Variants in SEMA3A observed in about 807,000 individuals in gnomAD.
The protein encoded by SEMA3A is semaphorin-3A.
In SEMA3A, 29 loss-of-function variants were observed where a neutral mutation model predicts 97.9. The observed-to-expected ratio is 0.30, with a 90% CI of 0.22 to 0.40. SEMA3A has a LOEUF of 0.40. SEMA3A is among the 10% of genes least tolerant of loss of function. SEMA3A has a pLI of 1.00. For missense variants in SEMA3A, 763 were observed against 951.3 expected (o/e 0.80, Z 2.60); for synonymous variants, 321 against 323.7 (o/e 0.99, Z 0.09).
chr7:84,336,594 G>A (rs1158230138), intron 2 of SEMA3A, among the ~76,000 whole-genome samples: 1 of 152,106 alleles, frequency 6.6e-6, no homozygotes, highest in East Asian at 1.9e-4. Flanking sequence ...ACATACAGTA[G>A]GACAGTGTTC....
intron 3 of SEMA3A, among the ~76,000 whole-genome samples, chr7:84,219,594 C>CGGTCTAT (rs1562858296): frequency 6.6e-6 from 1 of 152,094 alleles, no homozygotes; most frequent in Non-Finnish European, 1.5e-5. Context: ...AACTATACTG[C>CGGTCTAT]GGTCTATTAA....
chr7:83,979,282 C>T (rs548317206), intron 14 of SEMA3A, among the ~76,000 whole-genome samples: 11 of 151,974 alleles, frequency 7.2e-5, no homozygotes, highest in East Asian at 3.9e-4. Context: ...TACAGGCATC[C>T]GCCACCACAC....
chr7:84,014,394 T>A, intron 6 of SEMA3A, 43 bp from the exon 7 acceptor site: 1 of 1,488,426 alleles, frequency 6.7e-7, no homozygotes, highest in Non-Finnish European at 9.3e-7. Context: ...CACAGCTTAA[T>A]AAATAATACC....
chr7:84,189,768 A>G (rs13242741), intron 1 of SEMA3A, among the ~76,000 whole-genome samples: 9,522 of 151,712 alleles, frequency 0.063, 349 homozygotes, highest in African/African-American at 0.092. Flanking sequence ...AATTAAACGT[A>G]TTCCTGAAAG....
At chr7:84,488,927 A>G (rs1243394133) in intron 1 of SEMA3A, among the ~76,000 whole-genome samples, 2 of 152,162 alleles carry the variant, frequency 1.3e-5, no homozygotes, top group African/African-American at 4.8e-5. Flanking sequence ...GAAGTCACCT[A>G]TTAGAGAGGT....
At chr7:84,355,425 C>T (rs909885472) in intron 2 of SEMA3A, among the ~76,000 whole-genome samples, 1 of 151,832 alleles carries the variant, frequency 6.6e-6, no homozygotes, top group African/African-American at 2.4e-5. Context: ...AAAAATTCAT[C>T]ATCAACACAG....
chr7:84,011,441 T>A (rs532783557), intron 7 of SEMA3A, 144 bp from the exon 8 acceptor site: 7 of 632,616 alleles, frequency 1.1e-5, no homozygotes, highest in African/African-American at 1.1e-4. Flanking sequence ...TGACCAGATA[T>A]AGGTAACTAT....
At chr7:84,191,368 A>G (rs1013384821) in intron 1 of SEMA3A, among the ~76,000 whole-genome samples, 1 of 151,734 alleles carries the variant, frequency 6.6e-6, no homozygotes, top group African/African-American at 2.4e-5. Context: ...TCACAGGATC[A>G]CCATCACATT....
At chr7:84,290,597 G>A (rs1209709669) in intron 3 of SEMA3A, among the ~76,000 whole-genome samples, 3 of 151,894 alleles carry the variant, frequency 2.0e-5, no homozygotes, top group Non-Finnish European at 2.9e-5. Flanking sequence ...CACAACTCCC[G>A]TGGCATGGTA....
upstream of SEMA3A, among the ~76,000 whole-genome samples, chr7:84,198,530 A>C (rs1798289459): frequency 6.6e-6 from 1 of 152,260 alleles, no homozygotes; most frequent in Non-Finnish European, 1.5e-5. Flanking sequence ...ATTGAATTTT[A>C]TTTAAGGTAT....
At chr7:84,294,610 T>A (rs1800826331) in intron 3 of SEMA3A, among the ~76,000 whole-genome samples, 1 of 152,060 alleles carries the variant, frequency 6.6e-6, no homozygotes, top group Non-Finnish European at 1.5e-5. Flanking sequence ...ATAATATTGC[T>A]CTCATGATGG....
At chr7:84,173,505 G>C (rs1797458892) in intron 1 of SEMA3A, among the ~76,000 whole-genome samples, 1 of 143,026 alleles carries the variant, frequency 7.0e-6, no homozygotes, top group South Asian at 2.2e-4. Flanking sequence ...GTTGCGGTGA[G>C]CCGAGATCAC....
At chr7:84,371,452 T>A (rs1461686830) in intron 2 of SEMA3A, among the ~76,000 whole-genome samples, 1 of 151,904 alleles carries the variant, frequency 6.6e-6, no homozygotes, top group South Asian at 2.1e-4. Flanking sequence ...AAATTTTGAA[T>A]TTTTATGTAA....
At chr7:84,091,163 G>GAAAGAAA (rs1554324891) in intron 4 of SEMA3A, among the ~76,000 whole-genome samples, 7 of 25,622 alleles carry the variant, frequency 2.7e-4, no homozygotes, top group Admixed American at 6.4e-4. Context: ...AAGGAAGGAA[G>GAAAGAAA]GAAGGAAAGA....
At chr7:84,190,714 A>G (rs1798012637) in intron 1 of SEMA3A, among the ~76,000 whole-genome samples, 1 of 147,534 alleles carries the variant, frequency 6.8e-6, no homozygotes, top group Admixed American at 6.8e-5. Context: ...TTATATATAT[A>G]TATGTATATA....
intron 5 of SEMA3A, among the ~76,000 whole-genome samples, chr7:84,055,132 C>T (rs1455815696): frequency 9.2e-5 from 14 of 152,036 alleles, no homozygotes; most frequent in Admixed American, 8.5e-4. Context: ...CCATTTAAGT[C>T]TGCAGAGGTT....
intron 1 of SEMA3A, among the ~76,000 whole-genome samples, chr7:84,419,722 C>T (rs1352358048): frequency 6.6e-6 from 1 of 152,064 alleles, no homozygotes; most frequent in Non-Finnish European, 1.5e-5. Flanking sequence ...TAAGCTTTCA[C>T]ATCTGGGTGA....
chr7:84,267,067 A>C (rs1326418864), intron 3 of SEMA3A, among the ~76,000 whole-genome samples: 1 of 152,168 alleles, frequency 6.6e-6, no homozygotes, highest in African/African-American at 2.4e-5. Context: ...ACACAGGTTG[A>C]ACATCTCAAA....
chr7:84,036,335 T>G (rs1001087681), intron 6 of SEMA3A, among the ~76,000 whole-genome samples: 2 of 152,138 alleles, frequency 1.3e-5, no homozygotes, highest in African/African-American at 4.8e-5. Context: ...AGGCAGGGTT[T>G]TCACTTAATT....
Sources: allele counts gnomAD v4.1 joint callset (sites outside exome capture counted in the v4.1 genomes callset), GRCh38; gene constraint gnomAD v4.1.1; transcripts MANE v1.5; gene names NCBI Gene and HGNC (gene_info 2026-07-23, HGNC 2026-07-21).